LRRC4C: variants seen among roughly 807,000 people sequenced by gnomAD.
LRRC4C encodes the protein leucine-rich repeat-containing protein 4C.
A neutral mutation model predicts 33.6 loss-of-function variants in LRRC4C; 5 were observed. The observed-to-expected ratio is 0.15, with a 90% CI of 0.08 to 0.31. LRRC4C has a LOEUF of 0.31. Ranked by LOEUF, LRRC4C falls within the 10% of genes least tolerant of loss-of-function variation. LRRC4C has a pLI of 1.00. For missense variants in LRRC4C, 560 were observed against 796.7 expected, an observed-to-expected ratio of 0.70 and a Z score of 3.58; for synonymous variants, 329 against 302.0, an observed-to-expected ratio of 1.09 and a Z score of -0.93.
At chr11:41,426,578 A>G (rs147517864) in intron 1 of LRRC4C, 1 of 152,298 alleles carries the variant, frequency 6.6e-6, no homozygotes, top group Non-Finnish European at 1.5e-5. Context: ...ATGTTCCTCT[A>G]AAAACAAGCA....
intron 1 of LRRC4C, among the ~76,000 whole-genome samples, chr11:41,101,823 C>G (rs1941206080): frequency 6.6e-6 from 1 of 151,998 alleles, no homozygotes; most frequent in Non-Finnish European, 1.5e-5. Flanking sequence ...GAGAGCATTA[C>G]CTTTGCAGGA....
intron 1 of LRRC4C, among the ~76,000 whole-genome samples, chr11:41,407,630 A>T (rs2138177962): frequency 6.6e-6 from 1 of 152,286 alleles, no homozygotes; most frequent in East Asian, 1.9e-4. Flanking sequence ...ATTACAAAAT[A>T]CACCAAACAT....
intron 1 of LRRC4C, among the ~76,000 whole-genome samples, chr11:41,029,759 T>C (rs1356147538): frequency 6.6e-6 from 1 of 151,822 alleles, no homozygotes; most frequent in Non-Finnish European, 1.5e-5. Flanking sequence ...TGGAAGACTA[T>C]TGTAAATAGG....
At chr11:41,384,029 A>G (rs4755573) in intron 1 of LRRC4C, among the ~76,000 whole-genome samples, 38,552 of 151,764 alleles carry the variant, frequency 0.25, 5,676 homozygotes, top group East Asian at 0.43. Flanking sequence ...TATAGCCTTT[A>G]GTTGTTTTTG....
At chr11:40,828,810 A>G (rs1226971270) in intron 2 of LRRC4C, among the ~76,000 whole-genome samples, 1 of 151,936 alleles carries the variant, frequency 6.6e-6, no homozygotes, top group Non-Finnish European at 1.5e-5. Context: ...GTTATTAAGT[A>G]TCTTAGAATG....
At chr11:41,050,130 G>T (rs1241606930) in intron 1 of LRRC4C, among the ~76,000 whole-genome samples, 1 of 152,122 alleles carries the variant, frequency 6.6e-6, no homozygotes, top group African/African-American at 2.4e-5. Flanking sequence ...GTGAGAAGGG[G>T]AGAATACAGT....
intron 1 of LRRC4C, among the ~76,000 whole-genome samples, chr11:41,224,609 T>G (rs1490770033): frequency 6.6e-6 from 1 of 152,204 alleles, no homozygotes; most frequent in Non-Finnish European, 1.5e-5. Flanking sequence ...ATGACTCCTT[T>G]AATCACATTT....
intron 3 of LRRC4C, among the ~76,000 whole-genome samples, chr11:40,620,725 C>T (rs1485983860): frequency 6.6e-6 from 1 of 151,820 alleles, no homozygotes; most frequent in Non-Finnish European, 1.5e-5. Flanking sequence ...ATTTAAAAGA[C>T]AATGATATTG....
rs547041888 is a variant in LRRC4C at position 40,580,808 on chromosome 11, G to T, written c.-270+67334C>A. 2.4e-4 allele frequency among the ~76,000 whole-genome samples: 37 copies of T among 152,296 alleles called. No individual in the cohort carries two copies. In the Middle Eastern group the frequency reaches 0.01, roughly 42 times the overall value. ...TGGATAGACAGGATTTTCATTTAAT[G>T]AAGACTTGGATGAATGGGCAGTTAT... On this transcript the variant is annotated intron_variant, in intron 3 of 6. Transcript: ENST00000528697.
At position 40,771,808 on chromosome 11, in the gene LRRC4C, T is replaced by A. The variant is rs1949768010; in HGVS notation, c.-406-123530A>T. 2.6e-5 allele frequency among the ~76,000 whole-genome samples: 4 copies of A among 152,190 alleles called. No individual in the cohort carries two copies. In the South Asian group the frequency reaches 8.3e-4, roughly 32 times the overall value. The stretch of plus-strand genomic sequence containing the variant: ...CCTCTGAGACCACCTCAACACAGAC[T>A]ACATTGTTCATAACACTGTCAGCAT... On this transcript the variant is annotated intron_variant, in intron 2 of 6. Coordinates refer to ENST00000528697, the MANE Select transcript of LRRC4C (RefSeq NM_001258419.2).
intron 1 of LRRC4C, among the ~76,000 whole-genome samples, chr11:41,027,503 A>C (rs910874253): frequency 6.6e-6 from 1 of 151,746 alleles, no homozygotes; most frequent in Non-Finnish European, 1.5e-5. Flanking sequence ...TAATAAGGTC[A>C]CCAAACAACA....
chr11:40,748,947 T>C (rs1174299381), intron 2 of LRRC4C, among the ~76,000 whole-genome samples: 1 of 152,120 alleles, frequency 6.6e-6, no homozygotes, highest in African/African-American at 2.4e-5. Context: ...ACCTTAAATA[T>C]ATGTGCATCC....
In LRRC4C at chr11:40,780,780, A is replaced by G. The variant is rs1950180921; in HGVS notation, c.-406-132502T>C. The stretch of plus-strand genomic sequence containing the variant: ...CAGAGAGCTAGCAAATTGAAAACTG[A>G]TAAGAGGCTTTTTTTTTTTTAATAC... On this transcript the variant is annotated intron_variant, in intron 2 of 6. Transcript: ENST00000528697. Among the ~76,000 whole-genome samples the G allele has an allele frequency of 2.1e-5, 3 of 141,252 alleles. No homozygotes were observed. The East Asian group carries it at 6.1e-4, about 29-fold the overall frequency. 92.7% of individuals were successfully genotyped at this position (141,252 alleles called of 152,430 possible).
intron 1 of LRRC4C, among the ~76,000 whole-genome samples, chr11:41,303,129 G>A (rs2922030): frequency 0.46 from 54,265 of 119,260 alleles, 11,679 homozygotes; most frequent in Non-Finnish European, 0.51. Flanking sequence ...CTCACCCCAC[G>A]GTCTCCCTCT....
At chr11:41,373,751 A>C (rs1450737915) in intron 1 of LRRC4C, among the ~76,000 whole-genome samples, 2 of 152,158 alleles carry the variant, frequency 1.3e-5, no homozygotes, top group Non-Finnish European at 2.9e-5. Context: ...GATCCATGAA[A>C]ATTTACAAGC....
chr11:40,457,098 A>G (rs1385498967), intron 3 of LRRC4C, among the ~76,000 whole-genome samples: 1 of 149,332 alleles, frequency 6.7e-6, no homozygotes, highest in African/African-American at 2.5e-5. Context: ...GTATTTCTTA[A>G]AAAAGAAAAA....
chr11:41,449,700 C>T (rs1048141624), intron 1 of LRRC4C, among the ~76,000 whole-genome samples: 2 of 151,620 alleles, frequency 1.3e-5, no homozygotes, highest in African/African-American at 4.8e-5. Context: ...CTGGCCTCCC[C>T]CGACCCCTAC....
chr11:41,012,656 T>G (rs1855292802), intron 1 of LRRC4C, among the ~76,000 whole-genome samples: 1 of 152,148 alleles, frequency 6.6e-6, no homozygotes, highest in Admixed American at 6.5e-5. Flanking sequence ...TTGAAGAACC[T>G]CCATAGAGTT....
rs1033163163 is a variant in LRRC4C at position 40,194,884 on chromosome 11, C to A, written c.-96+46635G>T. On this transcript the variant is annotated intron_variant, in intron 5 of 6. Coordinates refer to ENST00000528697, the MANE Select transcript of LRRC4C (RefSeq NM_001258419.2). ...TGGGCGGATCACGAGGTCAGGAGAT[C>A]CAGACCATCCTGGCTAACACGGTGG... Among the ~76,000 whole-genome samples, 4 of 151,940 alleles carry A rather than the reference C, an allele frequency of 2.6e-5. No homozygotes were observed. In the South Asian group the frequency reaches 8.3e-4, roughly 32 times the overall value.
Sources: allele counts gnomAD v4.1 joint callset (sites outside exome capture counted in the v4.1 genomes callset), GRCh38; gene constraint gnomAD v4.1.1; transcripts MANE v1.5; gene names NCBI Gene and HGNC (gene_info 2026-07-23, HGNC 2026-07-21).